The following ZNF407 variants were observed in gnomAD, a reference collection of about 807,000 sequenced individuals.
ZNF407 encodes the protein zinc finger protein 407.
In ZNF407, 17 loss-of-function variants were observed where a neutral mutation model predicts 131.2. The ratio of observed to expected loss-of-function variants is 0.13; its 90% CI spans 0.09 to 0.19. The LOEUF (loss-of-function observed/expected upper bound fraction) is 0.19. Among genes scored for constraint, ZNF407 ranks in the 10% least tolerant of loss-of-function variants. The pLI, the probability that ZNF407 is intolerant of heterozygous loss-of-function variation, is 1.00. For synonymous variants in ZNF407, 1,156 were observed against 1,062.0 expected (o/e 1.09, Z -1.72); for missense variants, 2,681 against 2,830.6 (o/e 0.95, Z 1.20).
intron 3 of ZNF407, among the ~76,000 whole-genome samples, chr18:74,666,970 G>A (rs1055849778): frequency 4.6e-5 from 7 of 152,106 alleles, no homozygotes; most frequent in Admixed American, 6.6e-5. Context: ...TGTCCGCCCC[G>A]CCTTCATCTT....
chr18:74,622,518 A>G (rs762204965), intron 1 of ZNF407, among the ~76,000 whole-genome samples: 32 of 152,010 alleles, frequency 2.1e-4, no homozygotes, highest in Non-Finnish European at 4.0e-4. Context: ...TGTACTCCCC[A>G]AAGAGAAAGA....
At chr18:74,823,809 A>C (rs1970373900) in intron 4 of ZNF407, among the ~76,000 whole-genome samples, 1 of 152,222 alleles carries the variant, frequency 6.6e-6, no homozygotes, top group African/African-American at 2.4e-5. Flanking sequence ...TTGACAAGAC[A>C]GAAAATTAAC....
chr18:74,792,771 GA>G (rs1969849769), intron 4 of ZNF407, among the ~76,000 whole-genome samples: 1 of 151,850 alleles, frequency 6.6e-6, no homozygotes, highest in Non-Finnish European at 1.5e-5. Flanking sequence ...TCCTTTAGCT[GA>G]AACGAAAAAC....
intron 8 of ZNF407, among the ~76,000 whole-genome samples, chr18:75,011,974 T>G (rs1002335729): frequency 6.6e-6 from 1 of 152,156 alleles, no homozygotes; most frequent in Non-Finnish European, 1.5e-5. Flanking sequence ...TTTAAATTCC[T>G]GTTTTGTGTT....
chr18:74,733,797 G>A (rs1968347400), intron 3 of ZNF407, among the ~76,000 whole-genome samples: 2 of 152,230 alleles, frequency 1.3e-5, no homozygotes, highest in Admixed American at 6.5e-5. Context: ...TTGGTCACAA[G>A]TTGTCTTAAG....
At chr18:74,888,825 TG>T (rs2145194457) in intron 6 of ZNF407, among the ~76,000 whole-genome samples, 1 of 152,314 alleles carries the variant, frequency 6.6e-6, no homozygotes, top group African/African-American at 2.4e-5. Flanking sequence ...AGAAATACTT[TG>T]TTCAAGATAC....
In ZNF407 at chr18:75,005,295, A is replaced by G. The variant is rs1229366446; in HGVS notation, c.5429-57855A>G. Among the ~76,000 whole-genome samples the G allele has an allele frequency of 3.9e-5, 6 of 152,068 alleles. No individual in the cohort carries two copies. The East Asian group carries it at 1.2e-3, about 29-fold the overall frequency. On this transcript the variant is annotated intron_variant, in intron 8 of 8. Transcript: ENST00000299687. Reference sequence around the variant, plus strand: ...TACCTGAATTTTCATTTTTTATTATATTTCGTTTCTGTTGCATTTCTGGTC... The same window carrying G: ...TACCTGAATTTTCATTTTTTATTATGTTTCGTTTCTGTTGCATTTCTGGTC...
At chr18:74,855,008 C>A (rs1177547027) in intron 4 of ZNF407, among the ~76,000 whole-genome samples, 1 of 152,072 alleles carries the variant, frequency 6.6e-6, no homozygotes, top group Non-Finnish European at 1.5e-5. Context: ...AATTTCCAGT[C>A]TTTAGAACAC....
At chr18:74,916,294 T>C (rs1445494670) in intron 7 of ZNF407, among the ~76,000 whole-genome samples, 2 of 116,518 alleles carry the variant, frequency 1.7e-5, no homozygotes, top group East Asian at 3.1e-4. Context: ...TGTGTGCATG[T>C]GTGTGCTGGT....
rs771704650 is a variant in ZNF407 at position 74,633,841 on chromosome 18, T to C, written c.2822T>C (p.Met941Thr). 47 of 1,613,832 alleles carry C rather than the reference T, an allele frequency of 2.9e-5. No individual in the cohort carries two copies. The Middle Eastern group carries it at 4.9e-4, about 17-fold the overall frequency. ...GKKNAGSAVT[M>T]SDEHANKPAE... ...AAGAATGCTGGCTCAGCAGTGACCA[T>C]GTCAGATGAACATGCTAACAAACCA... is the stretch of plus-strand genomic sequence containing the variant. The change falls in exon 2 of 9, where the codon ATG becomes ACG. Residue 941 changes from methionine to threonine, a missense_variant. Around this residue, in one of 6 missense-constraint regions of ZNF407, gnomAD observed 1,789 missense variants for 1,748.7 expected, o/e 1.02. Transcript: ENST00000299687.
At chr18:74,794,835 C>T (rs1340130010) in intron 4 of ZNF407, among the ~76,000 whole-genome samples, 15 of 152,084 alleles carry the variant, frequency 9.9e-5, no homozygotes. Flanking sequence ...AACTTCTCAG[C>T]ACTTTGAATT....
intron 4 of ZNF407, among the ~76,000 whole-genome samples, chr18:74,874,949 G>C (rs891389726): frequency 1.3e-5 from 2 of 152,104 alleles, no homozygotes; most frequent in Admixed American, 1.3e-4. Flanking sequence ...GGGTTCACCC[G>C]GCAAGATAGA....
intron 3 of ZNF407, among the ~76,000 whole-genome samples, chr18:74,728,432 C>T (rs1426803573): frequency 6.6e-6 from 1 of 152,164 alleles, no homozygotes; most frequent in Non-Finnish European, 1.5e-5. Flanking sequence ...GGCAGCATGA[C>T]ACAAGGAAGA....
rs1055177427 is a variant in ZNF407, at chr18:74,869,104, G to A, written c.4878-8093G>A. 4.5e-4 allele frequency among the ~76,000 whole-genome samples: 68 copies of A among 152,312 alleles called. 1 individual carries two copies. Among genetic ancestry groups the A allele is most frequent in the African/African-American group, 1.6e-3 (65 of 41,568 alleles). ...CATTTGGAATGAAGGTGTAAGTGGG[G>A]ATTGAAATACATTTTATCTTTTTAG... On this transcript the variant is annotated intron_variant, in intron 4 of 8. Coordinates refer to ENST00000299687, the MANE Select transcript of ZNF407 (RefSeq NM_017757.3).
chr18:74,935,114 T>C (rs1038322390), intron 8 of ZNF407, among the ~76,000 whole-genome samples: 9 of 152,216 alleles, frequency 5.9e-5, no homozygotes, highest in African/African-American at 2.2e-4. Flanking sequence ...GAAATGACTA[T>C]TTGTAATAAA....
chr18:74,734,936 G>A (rs1346493108), intron 3 of ZNF407, among the ~76,000 whole-genome samples: 3 of 152,006 alleles, frequency 2.0e-5, no homozygotes, highest in Non-Finnish European at 2.9e-5. Context: ...AAGTTTATGG[G>A]CTACTTACCT....
chr18:74,874,821 C>G (rs994152386), intron 4 of ZNF407, among the ~76,000 whole-genome samples: 1 of 152,056 alleles, frequency 6.6e-6, no homozygotes, highest in African/African-American at 2.4e-5. Context: ...AAAGCCAAAC[C>G]TGACTCCTCT....
intron 3 of ZNF407, among the ~76,000 whole-genome samples, chr18:74,658,694 C>G (rs1460564064): frequency 6.6e-6 from 1 of 152,102 alleles, no homozygotes; most frequent in Non-Finnish European, 1.5e-5. Context: ...TAGAATAACT[C>G]TAAGATTGGG....
chr18:74,605,192 T>G (rs2144608313), intron 1 of ZNF407, among the ~76,000 whole-genome samples: 1 of 151,864 alleles, frequency 6.6e-6, no homozygotes, highest in South Asian at 2.1e-4. Flanking sequence ...CGGCGGTGAC[T>G]TCAGTCTTGA....
Sources: allele counts gnomAD v4.1 joint callset (sites outside exome capture counted in the v4.1 genomes callset), GRCh38; gene constraint gnomAD v4.1.1; regional missense constraint gnomAD v4.1.1; transcripts MANE v1.5; gene names NCBI Gene and HGNC (gene_info 2026-07-23, HGNC 2026-07-21).